Variants in CCDC178 observed in about 807,000 individuals in gnomAD.
CCDC178 encodes the protein coiled-coil domain-containing protein 178.
Under a neutral mutation model 117.4 loss-of-function variants are expected in CCDC178, and 126 were observed. The ratio of observed to expected loss-of-function variants is 1.07; its 90% CI spans 0.93 to 1.24. The LOEUF is 1.24. CCDC178 is among the 50% of genes most tolerant of loss of function. The probability of loss-of-function intolerance (pLI) is 0.00; values close to 1 mark genes in which losing one functional copy is unlikely to be tolerated. For synonymous variants in CCDC178, 283 were observed against 313.4 expected (o/e 0.90, Z 1.02); for missense variants, 1,030 against 986.9 (o/e 1.04, Z -0.59).
intron 21 of CCDC178, among the ~76,000 whole-genome samples, chr18:32,977,645 T>G (rs2144703200): frequency 6.6e-6 from 1 of 152,318 alleles, no homozygotes; most frequent in South Asian, 2.1e-4. Flanking sequence ...AAAGAACGGC[T>G]GTAGGATGAA....
chr18:33,156,127 C>T (rs1455938212), intron 20 of CCDC178, among the ~76,000 whole-genome samples: 11 of 130,238 alleles, frequency 8.4e-5, no homozygotes, highest in Non-Finnish European at 1.4e-4. Context: ...CTCGCACTGT[C>T]GCCCAGGGTG....
chr18:32,947,674 T>C (rs1055682007), intron 22 of CCDC178, among the ~76,000 whole-genome samples: 20 of 152,320 alleles, frequency 1.3e-4, no homozygotes, highest in Admixed American at 6.5e-4. Context: ...CAGTTTTTCA[T>C]TTCCTTAACA....
chr18:33,220,942 T>C (rs2059225606), intron 18 of CCDC178, among the ~76,000 whole-genome samples: 1 of 152,068 alleles, frequency 6.6e-6, no homozygotes, highest in Non-Finnish European at 1.5e-5. Context: ...CTCTTAAGTA[T>C]ACTTGAATGT....
chr18:33,316,515 C>A (rs927577901), intron 11 of CCDC178, among the ~76,000 whole-genome samples: 1 of 152,084 alleles, frequency 6.6e-6, no homozygotes, highest in African/African-American at 2.4e-5. Context: ...CCCTGACGAG[C>A]GCCGCCCCCT....
intron 21 of CCDC178, among the ~76,000 whole-genome samples, chr18:32,995,642 T>C (rs1191278555): frequency 2.0e-5 from 3 of 152,060 alleles, no homozygotes; most frequent in African/African-American, 7.2e-5. Context: ...TTCTAAAGAA[T>C]ATAAACTGCT....
At chr18:33,418,143 A>G (rs1435688369) in intron 2 of CCDC178, among the ~76,000 whole-genome samples, 1 of 152,186 alleles carries the variant, frequency 6.6e-6, no homozygotes, top group Non-Finnish European at 1.5e-5. Flanking sequence ...AAGCTAATCC[A>G]CCACAATCAA....
At chr18:33,065,866 T>TC (rs2057005282) in intron 21 of CCDC178, among the ~76,000 whole-genome samples, 1 of 149,974 alleles carries the variant, frequency 6.7e-6, no homozygotes, top group Admixed American at 6.6e-5. Flanking sequence ...TTTTTCTTTT[T>TC]TTTTTTTTTT....
At chr18:33,228,229 A>C (rs1485376685) in intron 15 of CCDC178, among the ~76,000 whole-genome samples, 2 of 152,174 alleles carry the variant, frequency 1.3e-5, no homozygotes, top group East Asian at 3.9e-4. Flanking sequence ...ATGGTAAGCA[A>C]AGTGTGTGTT....
At chr18:33,234,252 C>G (rs1253760483) in intron 15 of CCDC178, among the ~76,000 whole-genome samples, 1 of 152,068 alleles carries the variant, frequency 6.6e-6, no homozygotes, top group Non-Finnish European at 1.5e-5. Flanking sequence ...CACACTATTT[C>G]TGTTTTCCTT....
At chr18:33,097,519 TGAAATGCCAGATATCTTGTGCAA>T (rs1409838603) in intron 20 of CCDC178, among the ~76,000 whole-genome samples, 1 of 152,086 alleles carries the variant, frequency 6.6e-6, no homozygotes, top group Non-Finnish European at 1.5e-5. Context: ...CCAAAGCAAC[TGAAATGCCAGATATCTTGTGCAA>T]GTTTGCACAG....
intron 11 of CCDC178, among the ~76,000 whole-genome samples, chr18:33,317,380 G>A (rs78216875): frequency 4.2e-4 from 64 of 152,168 alleles, no homozygotes; most frequent in Non-Finnish European, 7.9e-4. Flanking sequence ...AAGAAACTCC[G>A]AACACATCCG....
intron 19 of CCDC178, among the ~76,000 whole-genome samples, chr18:33,214,202 A>G (rs544544823): frequency 2.6e-5 from 4 of 152,186 alleles, no homozygotes; most frequent in African/African-American, 9.6e-5. Flanking sequence ...ACCACTTGCT[A>G]TAAGAATTGG....
chr18:33,225,860 A>G (rs916730526), intron 16 of CCDC178, among the ~76,000 whole-genome samples: 1 of 134,228 alleles, frequency 7.5e-6, no homozygotes, highest in African/African-American at 2.8e-5. Context: ...GGTGTAGATC[A>G]TCTCAAAAAA....
chr18:33,281,681 A>C (rs1179709186), intron 12 of CCDC178, among the ~76,000 whole-genome samples: 1 of 152,196 alleles, frequency 6.6e-6, no homozygotes, highest in Non-Finnish European at 1.5e-5. Context: ...AGGTTTTAAG[A>C]ATTTTGGAAA....
At chr18:33,017,293 G>T (rs998038073) in intron 21 of CCDC178, among the ~76,000 whole-genome samples, 1 of 151,838 alleles carries the variant, frequency 6.6e-6, no homozygotes, top group African/African-American at 2.4e-5. Flanking sequence ...AATCAATTAT[G>T]TTCTATACAC....
chr18:33,157,938 A>G (rs2058420610), intron 20 of CCDC178, among the ~76,000 whole-genome samples: 1 of 152,126 alleles, frequency 6.6e-6, no homozygotes, highest in South Asian at 2.1e-4. Flanking sequence ...AACCTCTTAC[A>G]GCTTTTTAAA....
chr18:33,389,583 C>T lies in CCDC178; in HGVS notation c.165G>A (p.Glu55=). 6.5e-7 allele frequency: 1 copy of T among 1,527,908 alleles called. No individual in the cohort carries two copies. The highest frequency in any genetic ancestry group is 8.8e-7 in the Non-Finnish European group (1 of 1,139,482). 94.6% of individuals were successfully genotyped at this position (1,527,908 alleles called of 1,614,324 possible). The change falls in exon 5 of 23, where the codon GAG becomes GAA. Residue 55 remains glutamate, a synonymous_variant. Coordinates refer to ENST00000383096, the MANE Select transcript of CCDC178 (RefSeq NM_001105528.4). ...TACTTTCATGAAAACCTTCACTGTT[C>T]TCCTTAGAGGCTCCATATAGAACCA... ...QSLVLYGASK[E]NSEGFHESKM...
At chr18:33,360,447 T>C (rs972299027) in intron 6 of CCDC178, among the ~76,000 whole-genome samples, 1 of 151,420 alleles carries the variant, frequency 6.6e-6, no homozygotes, top group African/African-American at 2.4e-5. Context: ...CATGCTACAA[T>C]GTGGATCGAC....
At chr18:32,983,020 T>A (rs1426839417) in intron 21 of CCDC178, among the ~76,000 whole-genome samples, 8 of 151,832 alleles carry the variant, frequency 5.3e-5, no homozygotes, top group Non-Finnish European at 1.2e-4. Context: ...CCAGCTGGCA[T>A]GGGTTGTTGA....
Sources: allele counts gnomAD v4.1 joint callset (sites outside exome capture counted in the v4.1 genomes callset), GRCh38; gene constraint gnomAD v4.1.1; transcripts MANE v1.5; gene names NCBI Gene and HGNC (gene_info 2026-07-23, HGNC 2026-07-21).